GRB14: variants seen among roughly 807,000 people sequenced by gnomAD.
GRB14 encodes growth factor receptor-bound protein 14.
Under a neutral mutation model 69.1 loss-of-function variants are expected in GRB14, and 38 were observed. That is an observed-to-expected ratio of 0.55 (90% confidence interval 0.42 to 0.72). The LOEUF (loss-of-function observed/expected upper bound fraction) is 0.72, where lower values mean the gene tolerates loss of function less well. GRB14 is among the 30% of genes least tolerant of loss of function. The probability of loss-of-function intolerance (pLI) is 0.00; values close to 1 mark genes in which losing one functional copy is unlikely to be tolerated. For missense variants in GRB14, 666 were observed against 666.1 expected, an observed-to-expected ratio of 1.00 and a Z score of 0.00; for synonymous variants, 247 against 241.3, an observed-to-expected ratio of 1.02 and a Z score of -0.22.
At chr2:164,595,186 A>G (rs1412421770) in intron 2 of GRB14, among the ~76,000 whole-genome samples, 1 of 152,244 alleles carries the variant, frequency 6.6e-6, no homozygotes. Flanking sequence ...ATGTTTATGT[A>G]GTCAAATGGA....
chr2:164,533,156 T>C (rs1356350133), intron 3 of GRB14, among the ~76,000 whole-genome samples: 1 of 151,972 alleles, frequency 6.6e-6, no homozygotes, highest in African/African-American at 2.4e-5. Flanking sequence ...ATCCTGCACA[T>C]TCTGTCTATA....
At chr2:164,586,808 G>A (rs1356013998) in intron 2 of GRB14, among the ~76,000 whole-genome samples, 1 of 152,108 alleles carries the variant, frequency 6.6e-6, no homozygotes, top group South Asian at 2.1e-4. Flanking sequence ...ACCATACTGG[G>A]TACTGGCCTA....
intron 2 of GRB14, among the ~76,000 whole-genome samples, chr2:164,586,228 T>C (rs1425360070): frequency 2.0e-5 from 3 of 152,106 alleles, no homozygotes; most frequent in Non-Finnish European, 4.4e-5. Context: ...AGTAACATAT[T>C]TGGATTTGAG....
At chr2:164,579,585 A>G (rs1670414867) in intron 2 of GRB14, among the ~76,000 whole-genome samples, 1 of 152,088 alleles carries the variant, frequency 6.6e-6, no homozygotes, top group Admixed American at 6.6e-5. Flanking sequence ...CCTGACCTGC[A>G]CATCTTTGGG....
Position 164,614,913 on chromosome 2 carries a change from G to A in GRB14, c.324+4774C>T, listed in dbSNP as rs1484408032. Among the ~76,000 whole-genome samples, 7 of 152,228 alleles carry A rather than the reference G, an allele frequency of 4.6e-5. No homozygotes were observed. The East Asian group carries it at 1.3e-3, about 29-fold the overall frequency. ...ACAGAGATCTGCTTATCCTTTGAAA[G>A]TCCGTGACATGGTAGAGAAAAAAGA... On this transcript the variant is annotated intron_variant, in intron 2 of 13. Transcript: ENST00000263915.
chr2:164,572,233 T>A (rs1377223461), intron 2 of GRB14, among the ~76,000 whole-genome samples: 2 of 152,200 alleles, frequency 1.3e-5, no homozygotes, highest in Non-Finnish European at 2.9e-5. Flanking sequence ...TTTGCACCAG[T>A]CTAATACAAA....
At chr2:164,599,098 G>A (rs1458895625) in intron 2 of GRB14, among the ~76,000 whole-genome samples, 2 of 152,278 alleles carry the variant, frequency 1.3e-5, no homozygotes, top group Admixed American at 6.5e-5. Flanking sequence ...CTTTACCATC[G>A]TGTCTAAAAC....
intron 2 of GRB14, among the ~76,000 whole-genome samples, chr2:164,561,140 C>A (rs1266686963): frequency 1.3e-5 from 2 of 152,078 alleles, no homozygotes; most frequent in Admixed American, 1.3e-4. Context: ...ACATGCAGTA[C>A]AGTGTGCAAA....
chr2:164,564,239 G>A (rs997096039), intron 2 of GRB14, among the ~76,000 whole-genome samples: 2 of 152,166 alleles, frequency 1.3e-5, no homozygotes, highest in Admixed American at 6.5e-5. Flanking sequence ...TTTAAAAGCC[G>A]TTTGAAGCCC....
In GRB14 at chr2:164,568,619, C is replaced by T. The variant is rs190059433; in HGVS notation, c.325-20803G>A. On this transcript the variant is annotated intron_variant, in intron 2 of 13. Coordinates refer to ENST00000263915, the MANE Select transcript of GRB14 (RefSeq NM_004490.3). ...CCGCCTTTGTCCTTGGAAACACATT[C>T]TGATACTTTTGTTTATGATATTTAA... The T allele has an allele frequency of 5.8e-4, 129 of 223,166 alleles. 1 individual carries two copies. Among genetic ancestry groups the T allele is most frequent in the Admixed American group, 8.9e-4 (14 of 15,784 alleles). The allele number at this position is 223,166 out of a possible 1,614,324, so 13.8% of individuals were successfully genotyped here. A position where few individuals can be genotyped will look rare whatever the true frequency, so the allele number is the denominator to read the frequency against.
At chr2:164,549,781 T>C (rs1688482828) in intron 2 of GRB14, among the ~76,000 whole-genome samples, 1 of 151,788 alleles carries the variant, frequency 6.6e-6, no homozygotes. Context: ...CAAGAATCAC[T>C]TGAACCTGGG....
intron 2 of GRB14, among the ~76,000 whole-genome samples, 193 bp downstream of exon 2, chr2:164,619,494 A>G (rs1690391745): frequency 6.6e-6 from 1 of 152,188 alleles, no homozygotes; most frequent in African/African-American, 2.4e-5. Context: ...AGGTTTTAAC[A>G]TTCCCATTAT....
At chr2:164,610,309 G>A (rs1006749684) in intron 2 of GRB14, among the ~76,000 whole-genome samples, 2 of 152,130 alleles carry the variant, frequency 1.3e-5, no homozygotes, top group Non-Finnish European at 1.5e-5. Flanking sequence ...TTCTAAAGCT[G>A]TGGATCTTAT....
chr2:164,613,361 T>C (rs1004557204), intron 2 of GRB14, among the ~76,000 whole-genome samples: 2 of 152,120 alleles, frequency 1.3e-5, no homozygotes, highest in Admixed American at 1.3e-4. Flanking sequence ...TTCTCACATG[T>C]TACCACACCC....
chr2:164,536,346 C>A (rs1216748686), intron 3 of GRB14, among the ~76,000 whole-genome samples: 1 of 152,116 alleles, frequency 6.6e-6, no homozygotes, highest in Admixed American at 6.5e-5. Context: ...GTATTTTGTC[C>A]AACTTGGGGC....
chr2:164,506,769 A>C (rs935156126), intron 8 of GRB14, among the ~76,000 whole-genome samples: 5 of 152,192 alleles, frequency 3.3e-5, no homozygotes, highest in African/African-American at 1.2e-4. Context: ...ATAGAGAGCT[A>C]TATATACAAT....
intron 3 of GRB14, among the ~76,000 whole-genome samples, chr2:164,545,329 T>C (rs760146359): frequency 9.2e-5 from 14 of 152,142 alleles, no homozygotes; most frequent in Admixed American, 2.0e-4. Context: ...AAAAAAATTT[T>C]GCAGACAGTA....
chr2:164,619,796 A>G lies in GRB14; in HGVS notation c.215T>C (p.Val72Ala), dbSNP rs1477283666. Residue 72 changes from valine to alanine, a missense_variant, in exon 2 of 14, where the codon GTT becomes GCT. Physicochemically the swap from Val to Ala is moderately conservative, Grantham distance 64. Coordinates refer to ENST00000263915, the MANE Select transcript of GRB14 (RefSeq NM_004490.3). ...ADRRKKKDLD[V>A]PEMPSIPNPF... ...GTTTGGAATAGATGGCATTTCCGGAACATCAAGATCTTTCTTTTTTCTCCT... is the reference window on the plus strand; with the variant it reads ...GTTTGGAATAGATGGCATTTCCGGAGCATCAAGATCTTTCTTTTTTCTCCT... The G allele has an allele frequency of 6.2e-7, 1 of 1,610,694 alleles. No homozygotes were observed.
intron 2 of GRB14, among the ~76,000 whole-genome samples, chr2:164,559,389 C>T (rs978118037): frequency 7.2e-5 from 11 of 151,970 alleles, no homozygotes; most frequent in Admixed American, 6.6e-5. Flanking sequence ...TTGGTGCACC[C>T]GTCACCTGAG....
Sources: allele counts gnomAD v4.1 joint callset (sites outside exome capture counted in the v4.1 genomes callset), GRCh38; gene constraint gnomAD v4.1.1; transcripts MANE v1.5; gene names NCBI Gene and HGNC (gene_info 2026-07-23, HGNC 2026-07-21).